The following TIMELESS variants were observed in gnomAD, a reference collection of about 807,000 sequenced individuals.
The protein encoded by TIMELESS is timeless circadian regulator.
A neutral mutation model predicts 164.3 loss-of-function variants in TIMELESS; 124 were observed. The ratio of observed to expected loss-of-function variants is 0.75; its 90% CI spans 0.65 to 0.88. The LOEUF (loss-of-function observed/expected upper bound fraction) is 0.88. Ranked by LOEUF, TIMELESS falls within the 40% of genes least tolerant of loss-of-function variation. The pLI is 0.00. For missense variants in TIMELESS, 1,422 were observed against 1,491.4 expected, an observed-to-expected ratio of 0.95 and a Z score of 0.77; for synonymous variants, 564 against 563.4, an observed-to-expected ratio of 1.00 and a Z score of -0.02.
intron 25 of TIMELESS, 34 bp from the exon 26 acceptor site, chr12:56,420,721 A>T (rs765405699): frequency 6.2e-7 from 1 of 1,613,600 alleles, no homozygotes; most frequent in African/African-American, 1.3e-5. Flanking sequence ...TGGTGAAGAT[A>T]TAAGGGAAGA....
At chr12:56,419,466 G>GTGTGTA (rs1881382368) in intron 26 of TIMELESS, among the ~76,000 whole-genome samples, 1 of 151,016 alleles carries the variant, frequency 6.6e-6, no homozygotes, top group African/African-American at 2.5e-5. Flanking sequence ...TGGAGTGTGT[G>GTGTGTA]TGTGTGTGTG....
rs183151590 is a variant in TIMELESS at position 56,426,232 on chromosome 12, T to C, written c.1579-1080A>G. On this transcript the variant is annotated intron_variant, in intron 13 of 28. Transcript: ENST00000553532. Reference sequence around the variant, plus strand: ...CACACAGTAAATGCTCAATAAATGATAGTACCTAGTATTACAGATAATACC... The same window carrying C: ...CACACAGTAAATGCTCAATAAATGACAGTACCTAGTATTACAGATAATACC... 1.9e-4 allele frequency among the ~76,000 whole-genome samples: 29 copies of C among 152,282 alleles called. 1 individual carries two copies. In the East Asian group the frequency reaches 5.0e-3, roughly 26 times the overall value.
rs758839923 is a variant in TIMELESS at position 56,422,069 on chromosome 12, C to T, written c.2524+37G>A. On this transcript the variant is annotated intron_variant, in intron 20 of 28. Coordinates refer to ENST00000553532, the MANE Select transcript of TIMELESS (RefSeq NM_003920.5). ...AAGAAGGTCCCACAGCTCAAGCTGC[C>T]CTCCTCATAAACTCTCCAGATCCCA... 1.7e-5 allele frequency: 28 copies of T among 1,613,664 alleles called. No individual in the cohort carries two copies. The African/African-American group carries it at 2.3e-4, about 13-fold the overall frequency.
chr12:56,447,211 G>A (rs1365423177), intron 1 of TIMELESS, among the ~76,000 whole-genome samples: 3 of 76,894 alleles, frequency 3.9e-5, no homozygotes, highest in Admixed American at 1.9e-4. Flanking sequence ...TTTTTTTTTA[G>A]TAGAGATAGG....
intron 1 of TIMELESS, among the ~76,000 whole-genome samples, chr12:56,434,787 C>T (rs1244318160): frequency 6.6e-6 from 1 of 152,206 alleles, no homozygotes; most frequent in South Asian, 2.1e-4. Flanking sequence ...CACAGTGGCT[C>T]ATGCCTATAA....
intron 7 of TIMELESS, among the ~76,000 whole-genome samples, chr12:56,431,965 A>G (rs774035): frequency 0.42 from 63,805 of 151,486 alleles, 14,669 homozygotes; most frequent in East Asian, 0.73. Context: ...CACATATTCT[A>G]TTATGTTTTT....
At chr12:56,428,701 G>A in intron 11 of TIMELESS, 49 bp from the exon 12 acceptor site, 1 of 1,557,740 alleles carries the variant, frequency 6.4e-7, no homozygotes, top group Non-Finnish European at 8.8e-7. Context: ...TAGGGCAATG[G>A]CCCATGGAAA....
At chr12:56,448,057 T>C (rs1284547688) in intron 1 of TIMELESS, among the ~76,000 whole-genome samples, 1 of 152,038 alleles carries the variant, frequency 6.6e-6, no homozygotes, top group Non-Finnish European at 1.5e-5. Context: ...TAACTGTGGG[T>C]GGTCAAAGAG....
chr12:56,422,337 C>T (rs1269157518), intron 19 of TIMELESS, 146 bp from the exon 20 acceptor site: 4 of 637,728 alleles, frequency 6.3e-6, no homozygotes, highest in Admixed American at 5.8e-5. Flanking sequence ...TACAGTGTGC[C>T]TCCTTCCCCT....
intron 19 of TIMELESS, 97 bp downstream of exon 19, chr12:56,422,750 G>T: frequency 7.5e-7 from 1 of 1,337,402 alleles, no homozygotes; most frequent in African/African-American, 1.5e-5. Flanking sequence ...GAAACAGTGG[G>T]CTAAATGACA....
At chr12:56,446,146 C>G (rs1413772313) in intron 1 of TIMELESS, among the ~76,000 whole-genome samples, 1 of 152,158 alleles carries the variant, frequency 6.6e-6, no homozygotes, top group Non-Finnish European at 1.5e-5. Flanking sequence ...CTCAAGCGAC[C>G]CACCCACCTG....
chr12:56,436,876 C>T (rs557307394), intron 1 of TIMELESS, among the ~76,000 whole-genome samples: 9 of 152,198 alleles, frequency 5.9e-5, no homozygotes, highest in African/African-American at 2.2e-4. Flanking sequence ...TTGTTTTGCT[C>T]ATTGCTGCAT....
chr12:56,431,403 A>G, intron 8 of TIMELESS, 68 bp downstream of exon 8: 1 of 1,465,480 alleles, frequency 6.8e-7, no homozygotes, highest in Admixed American at 2.3e-5. Context: ...ACCCCACCTT[A>G]GAATTTGCCT....
At chr12:56,430,341 C>G in intron 9 of TIMELESS, 60 bp from the exon 10 acceptor site, 2 of 1,534,568 alleles carry the variant, frequency 1.3e-6, no homozygotes, top group South Asian at 2.5e-5. Context: ...CCTTGCAGCT[C>G]TCGTCAATTT....
At chr12:56,433,317 C>T in intron 5 of TIMELESS, 64 bp downstream of exon 5, 1 of 1,570,600 alleles carries the variant, frequency 6.4e-7, no homozygotes, top group South Asian at 1.1e-5. Flanking sequence ...AGCATCTCCT[C>T]CTCTGCCCGG....
intron 1 of TIMELESS, among the ~76,000 whole-genome samples, chr12:56,448,615 G>C (rs771333002): frequency 3.0e-4 from 46 of 151,082 alleles, no homozygotes; most frequent in African/African-American, 8.8e-4. Flanking sequence ...TGTAATCCCA[G>C]CTACTCAGGA....
At chr12:56,432,026 C>G (rs774038) in intron 7 of TIMELESS, among the ~76,000 whole-genome samples, 63,933 of 151,614 alleles carry the variant, frequency 0.42, 14,704 homozygotes, top group East Asian at 0.73. Context: ...CGGGTATACA[C>G]TGTGGATATG....
At chr12:56,424,936 G>C (rs765489044) in intron 14 of TIMELESS, 23 bp from the exon 15 acceptor site, 8 of 1,614,110 alleles carry the variant, frequency 5.0e-6, no homozygotes, top group Non-Finnish European at 6.8e-6. Context: ...AAAGCTATGG[G>C]AGCGGAGGGA....
intron 10 of TIMELESS, 71 bp downstream of exon 10, chr12:56,430,034 C>T: frequency 2.0e-6 from 3 of 1,487,560 alleles, no homozygotes; most frequent in Non-Finnish European, 2.7e-6. Context: ...CCACTTCTTA[C>T]CCACCAACAG....
Sources: gnomAD v4.1 joint callset for allele counts (sites outside exome capture counted in the v4.1 genomes callset) on GRCh38, gnomAD v4.1.1 for gene constraint, MANE v1.5 for transcripts, NCBI Gene and HGNC (gene_info 2026-07-23, HGNC 2026-07-21) for gene names.